Variants in KCNC4 observed in about 807,000 individuals in gnomAD.
KCNC4 encodes potassium voltage-gated channel subfamily C member 4.
In KCNC4, 23 loss-of-function variants were observed where a neutral mutation model predicts 42.8. The ratio of observed to expected loss-of-function variants is 0.54; its 90% CI spans 0.39 to 0.76. The LOEUF (loss-of-function observed/expected upper bound fraction) is 0.76. Ranked by LOEUF, KCNC4 falls within the 30% of genes least tolerant of loss-of-function variation. The pLI is 0.00. For missense variants in KCNC4, 751 were observed against 898.2 expected, an observed-to-expected ratio of 0.84 and a Z score of 2.10; for synonymous variants, 422 against 393.5, an observed-to-expected ratio of 1.07 and a Z score of -0.86.
intron 1 of KCNC4, among the ~76,000 whole-genome samples, chr1:110,267,050 A>T (rs753848074): frequency 1.3e-5 from 2 of 152,214 alleles, no homozygotes; most frequent in Non-Finnish European, 2.9e-5. Flanking sequence ...AGCAGCCCGC[A>T]CGCCTCTGTG....
At position 110,223,404 on chromosome 1, in the gene KCNC4, C is replaced by T. The variant is rs761490291; in HGVS notation, c.1119C>T (p.Thr373=). The T allele has an allele frequency of 1.9e-6, 3 of 1,613,942 alleles. No individual in the cohort carries two copies. The highest frequency in any genetic ancestry group is 1.7e-5 in the Admixed American group (1 of 60,026). The change falls in exon 2 of 4, where the codon ACC becomes ACT. Residue 373 remains threonine (T), a synonymous_variant. Transcript: ENST00000438661. This position sits in a 1 kb window ranked among gnomAD's most constrained non-coding sequence, Gnocchi z 7.5. Reference sequence around the variant, plus strand: ...TGGGGCTACGCGTGCTGGGCCACACCCTGAGGGCCAGCACCAATGAGTTCC... The same window carrying T: ...TGGGGCTACGCGTGCTGGGCCACACTCTGAGGGCCAGCACCAATGAGTTCC... ...HFVGLRVLGH[T]LRASTNEFLL... is the part of the protein sequence containing the mutation.
At chr1:110,282,849 A>T (rs1659852722) in intron 2 of KCNC4, among the ~76,000 whole-genome samples, 1 of 152,166 alleles carries the variant, frequency 6.6e-6, no homozygotes, top group African/African-American at 2.4e-5. Context: ...TCCAGTAAAA[A>T]ACTGGGAGAC....
intron 3 of KCNC4, among the ~76,000 whole-genome samples, chr1:110,231,991 G>A (rs942741025): frequency 6.6e-6 from 1 of 152,144 alleles, no homozygotes; most frequent in Non-Finnish European, 1.5e-5. Flanking sequence ...CCCGAGAGCT[G>A]CAGGGGTTGT....
chr1:110,257,135 A>T (rs1277303593), intron 1 of KCNC4, among the ~76,000 whole-genome samples: 2 of 152,262 alleles, frequency 1.3e-5, no homozygotes, highest in East Asian at 3.8e-4. Context: ...TTATTTTTAG[A>T]AGAAAAACCT....
exon 4 of KCNC4, chr1:110,241,117 G>A (rs1449749223): frequency 6.6e-6 from 1 of 152,294 alleles, no homozygotes. Context: ...GGGCCTCGGT[G>A]CTAGGTGGTG....
intron 3 of KCNC4, 81 bp downstream of exon 3, chr1:110,226,259 C>T (rs1014504486): frequency 4.0e-6 from 5 of 1,248,304 alleles, no homozygotes; most frequent in Non-Finnish European, 4.7e-6. Context: ...CCTGAGGTCC[C>T]CCCCTCCCCT....
rs71665086 is a variant in KCNC4 at position 110,271,954 on chromosome 1, T to C, written n.31-10580T>C. On this transcript the variant is annotated intron_variant and non_coding_transcript_variant, in intron 1 of 2. Coordinates refer to the KCNC4 transcript ENST00000412512. ...CTCACCCATAATTACCCCATATTCC[T>C]CTAAATTGTCCACACCATGATGGAC... Among the ~76,000 whole-genome samples, 1,191 of 152,208 alleles carry C rather than the reference T, an allele frequency of 7.8e-3. 11 individuals carry two copies. Among genetic ancestry groups the C allele is most frequent in the South Asian group, 0.017 (82 of 4,826 alleles).
chr1:110,212,035 A>G lies in KCNC4; in HGVS notation c.536A>G (p.Asp179Gly). The G allele has an allele frequency of 1.9e-6, 3 of 1,586,804 alleles. No individual in the cohort carries two copies. Among genetic ancestry groups the G allele is most frequent in the South Asian group, 2.3e-5 (2 of 88,768 alleles). The change falls in exon 1 of 4, where the codon GAC becomes GGC. Residue 179 changes from aspartate to glycine, a missense_variant. Asp to Gly is a moderately conservative substitution (Grantham distance 94). Around this residue, in one of 4 missense-constraint regions of KCNC4, gnomAD observed 181 missense variants for 167.3 expected, o/e 1.08. Coordinates refer to ENST00000438661, the MANE Select transcript of KCNC4 (RefSeq NM_001039574.3). ...GCGGGGCCCAGCGACGAGGCCGGCG[A>G]CGATGAGCGGGAGCTGGCCCTGCAG... ...SGAGPSDEAGDDERELALQRL... is the reference protein window; with the variant it reads ...SGAGPSDEAGGDERELALQRL...
downstream of KCNC4, chr1:110,235,219 G>C (rs1352306912): frequency 6.6e-6 from 1 of 152,292 alleles, no homozygotes; most frequent in African/African-American, 2.4e-5. Context: ...GAAGTGTAAG[G>C]AAAGATCGGG....
intron 2 of KCNC4, chr1:110,225,332 TACTGCCTGAC>T (rs1454312843): frequency 6.6e-6 from 1 of 152,338 alleles, no homozygotes; most frequent in Non-Finnish European, 1.5e-5. Flanking sequence ...TCACCTGTGC[TACTGCCTGAC>T]AGAGGCAAGG....
At chr1:110,268,791 G>C (rs1024867766) in intron 1 of KCNC4, among the ~76,000 whole-genome samples, 2 of 147,936 alleles carry the variant, frequency 1.4e-5, no homozygotes, top group African/African-American at 2.5e-5. Flanking sequence ...GCAGTGGCGC[G>C]ATCTCGGCTC....
chr1:110,255,078 G>T (rs1557871626), intron 1 of KCNC4, among the ~76,000 whole-genome samples: 1 of 152,208 alleles, frequency 6.6e-6, no homozygotes, highest in Admixed American at 6.5e-5. Flanking sequence ...TCTCATTTAA[G>T]ACATTTGGTA....
At chr1:110,265,102 G>A (rs1040727842) in intron 1 of KCNC4, among the ~76,000 whole-genome samples, 3 of 147,666 alleles carry the variant, frequency 2.0e-5, no homozygotes, top group Non-Finnish European at 4.5e-5. Flanking sequence ...AAAAAAAAAG[G>A]TGGGGGAGAG....
In KCNC4 at chr1:110,223,397, G is replaced by C; in HGVS notation, c.1112G>C (p.Gly371Ala). ...TRHFVGLRVL[G>A]HTLRASTNEF... ...CACTTCGTGGGGCTACGCGTGCTGG[G>C]CCACACCCTGAGGGCCAGCACCAAT... The change falls in exon 2 of 4, where the codon GGC (glycine) becomes GCC (alanine). Residue 371 changes from glycine (G) to alanine (A), a missense_variant. Physicochemically the swap from Gly to Ala is moderately conservative, Grantham distance 60. Coordinates refer to ENST00000438661, the MANE Select transcript of KCNC4 (RefSeq NM_001039574.3). The surrounding 1 kb of genome is among the most constrained non-coding windows in gnomAD (Gnocchi z 7.5). 4 of 1,613,922 alleles carry C rather than the reference G, an allele frequency of 2.5e-6. No individual in the cohort carries two copies. The highest frequency in any genetic ancestry group is 3.4e-6 in the Non-Finnish European group (4 of 1,180,020).
intron 1 of KCNC4, among the ~76,000 whole-genome samples, chr1:110,260,330 G>A (rs541034613): frequency 1.3e-5 from 2 of 152,126 alleles, no homozygotes; most frequent in Non-Finnish European, 2.9e-5. Context: ...TTTGTAAAGA[G>A]GAATTGATGA....
chr1:110,226,404 G>A (rs1658398968), intron 3 of KCNC4: 8 of 581,576 alleles, frequency 1.4e-5, no homozygotes, highest in Non-Finnish European at 1.9e-5. Flanking sequence ...GCTGCCCATG[G>A]GAAAGAGCAG....
At chr1:110,273,497 A>G (rs765663344) in intron 1 of KCNC4, among the ~76,000 whole-genome samples, 12 of 152,284 alleles carry the variant, frequency 7.9e-5, no homozygotes, top group Non-Finnish European at 1.6e-4. Context: ...CTCCGCTGAC[A>G]CTAATGCCGA....
intron 1 of KCNC4, among the ~76,000 whole-genome samples, chr1:110,214,922 C>T (rs1474631785): frequency 6.6e-6 from 1 of 152,172 alleles, no homozygotes; most frequent in Non-Finnish European, 1.5e-5. Context: ...GCACTTTCCC[C>T]CCTCCATTTG....
chr1:110,261,305 C>T (rs887202096), intron 1 of KCNC4, among the ~76,000 whole-genome samples: 7 of 152,032 alleles, frequency 4.6e-5, no homozygotes, highest in African/African-American at 1.7e-4. Context: ...ACATGAAAAA[C>T]AATATGGCAA....
Sources: allele counts gnomAD v4.1 joint callset (sites outside exome capture counted in the v4.1 genomes callset), GRCh38; gene constraint gnomAD v4.1.1; regional missense constraint gnomAD v4.1.1; non-coding constraint Gnocchi (gnomAD v3.1); transcripts MANE v1.5; gene names NCBI Gene and HGNC (gene_info 2026-07-23, HGNC 2026-07-21).